KIAA1328: variants seen among roughly 807,000 people sequenced by gnomAD.
KIAA1328 encodes the protein KIAA1328, also known as protein hinderin.
Under a neutral mutation model 68.1 loss-of-function variants are expected in KIAA1328, and 52 were observed. That is an observed-to-expected ratio of 0.76 (90% CI 0.61 to 0.96). The LOEUF (loss-of-function observed/expected upper bound fraction) is 0.96, where lower values mean the gene tolerates loss of function less well. Among genes scored for constraint, KIAA1328 ranks in the 40% least tolerant of loss-of-function variants. The probability of loss-of-function intolerance (pLI) is 0.00; values close to 1 mark genes in which losing one functional copy is unlikely to be tolerated. For missense variants in KIAA1328, 641 were observed against 677.6 expected (o/e 0.95, Z 0.60); for synonymous variants, 232 against 239.4 (o/e 0.97, Z 0.28).
intron 3 of KIAA1328, among the ~76,000 whole-genome samples, chr18:36,838,310 A>G (rs1629470): frequency 0.1 from 15,889 of 152,142 alleles, 2,801 homozygotes; most frequent in African/African-American, 0.36. Flanking sequence ...GATGCATTTT[A>G]TTTTAATTGC....
At chr18:36,997,363 G>A (rs1225577218) in intron 6 of KIAA1328, among the ~76,000 whole-genome samples, 1 of 152,094 alleles carries the variant, frequency 6.6e-6, no homozygotes, top group African/African-American at 2.4e-5. Flanking sequence ...TAGCTTCTAT[G>A]ATTTTCGTAA....
Position 37,122,153 on chromosome 18 carries a change from A to C in KIAA1328, c.1233-38047A>C, listed in dbSNP as rs190103792. 1.1e-4 allele frequency among the ~76,000 whole-genome samples: 16 copies of C among 152,310 alleles called. No homozygotes were observed. The East Asian group carries it at 3.1e-3, about 29-fold the overall frequency. On this transcript the variant is annotated intron_variant, in intron 7 of 9. Transcript: ENST00000280020. ...TGCAATGGAGACTAATACAAGCAGT[A>C]AGAAAGACTGGTAGAAAACCAAGAG...
At chr18:36,979,722 T>G (rs2052608476) in intron 6 of KIAA1328, among the ~76,000 whole-genome samples, 1 of 152,182 alleles carries the variant, frequency 6.6e-6, no homozygotes, top group Non-Finnish European at 1.5e-5. Flanking sequence ...CTCAGCCCAC[T>G]GCATCTTCAG....
intron 5 of KIAA1328, among the ~76,000 whole-genome samples, chr18:36,899,443 C>T (rs1482155574): frequency 2.6e-5 from 4 of 151,746 alleles, no homozygotes; most frequent in African/African-American, 4.8e-5. Flanking sequence ...AAAACTTGCC[C>T]GTTAGTGCTG....
chr18:37,019,393 A>G (rs1266862949), intron 6 of KIAA1328, among the ~76,000 whole-genome samples: 1 of 152,214 alleles, frequency 6.6e-6, no homozygotes, highest in Admixed American at 6.5e-5. Context: ...GCCTTAGGCA[A>G]TGAGCTGGTT....
rs910758470 is a variant in KIAA1328, at chr18:37,223,833, T to C, written c.*1606T>C. 1.2e-5 allele frequency: 12 copies of C among 985,102 alleles called. No individual in the cohort carries two copies. The highest frequency in any genetic ancestry group is 1.3e-5 in the Non-Finnish European group (11 of 829,728). The allele number at this position is 985,102 out of a possible 1,614,324, so 61.0% of individuals were successfully genotyped here. On this transcript the variant is annotated 3_prime_UTR_variant, in exon 10 of 10. Transcript: ENST00000280020. ...CAGCCTTCTTTCACTTGGGGTTTTT[T>C]ATTCTTTGGAGTAGAAAAGAATGGA... is the stretch of plus-strand genomic sequence containing the variant.
intron 6 of KIAA1328, among the ~76,000 whole-genome samples, chr18:37,062,730 C>T (rs949462865): frequency 1.3e-5 from 2 of 152,156 alleles, no homozygotes; most frequent in East Asian, 1.9e-4. Flanking sequence ...GCTGGGATTA[C>T]AGGCGTGAGC....
At chr18:36,939,160 A>G (rs2050615036) in intron 5 of KIAA1328, among the ~76,000 whole-genome samples, 1 of 152,232 alleles carries the variant, frequency 6.6e-6, no homozygotes, top group Middle Eastern at 3.4e-3. Context: ...TAAAAATGGC[A>G]CTGAATGTGT....
chr18:37,065,542 T>C (rs1176149047), intron 6 of KIAA1328, among the ~76,000 whole-genome samples: 1 of 152,212 alleles, frequency 6.6e-6, no homozygotes, highest in African/African-American at 2.4e-5. Context: ...AGTTAAGTAA[T>C]TGGACTTGGA....
chr18:36,908,007 T>G (rs1311494064), intron 5 of KIAA1328, among the ~76,000 whole-genome samples: 1 of 152,152 alleles, frequency 6.6e-6, no homozygotes, highest in East Asian at 1.9e-4. Flanking sequence ...GCTTTGGTAG[T>G]TTGTCTTTCA....
intron 5 of KIAA1328, among the ~76,000 whole-genome samples, chr18:36,889,571 T>C (rs1468091851): frequency 6.6e-6 from 1 of 152,210 alleles, no homozygotes; most frequent in Non-Finnish European, 1.5e-5. Context: ...ATTTTAGCAC[T>C]GAGTAGCTAT....
intron 6 of KIAA1328, among the ~76,000 whole-genome samples, chr18:37,007,581 C>A (rs1005913588): frequency 1.3e-5 from 2 of 152,070 alleles, no homozygotes; most frequent in Non-Finnish European, 2.9e-5. Context: ...GTCATAACTT[C>A]TGGAAAATTC....
chr18:37,220,412 C>G (rs1334649017), intron 9 of KIAA1328, among the ~76,000 whole-genome samples: 1 of 152,158 alleles, frequency 6.6e-6, no homozygotes, highest in Admixed American at 6.6e-5. Flanking sequence ...TTAGAAATTG[C>G]ATATGAGAAT....
At chr18:37,077,151 T>G (rs1305646494) in intron 7 of KIAA1328, among the ~76,000 whole-genome samples, 1 of 149,614 alleles carries the variant, frequency 6.7e-6, no homozygotes, top group Non-Finnish European at 1.5e-5. Flanking sequence ...CAAGTGGGCT[T>G]CATCCCTGGG....
At chr18:37,166,224 G>A (rs1164080950) in intron 8 of KIAA1328, among the ~76,000 whole-genome samples, 2 of 152,056 alleles carry the variant, frequency 1.3e-5, no homozygotes, top group African/African-American at 2.4e-5. Context: ...AACTCTGGAG[G>A]ATAGTGAAAG....
intron 7 of KIAA1328, chr18:37,075,204 A>C (rs1417652970): frequency 1.3e-5 from 2 of 151,892 alleles, no homozygotes; most frequent in African/African-American, 4.8e-5. Context: ...AAGAATTTTC[A>C]ACCCAGAATT....
intron 5 of KIAA1328, among the ~76,000 whole-genome samples, chr18:36,953,288 A>G (rs2151238634): frequency 6.8e-6 from 1 of 147,234 alleles, no homozygotes; most frequent in South Asian, 2.1e-4. Flanking sequence ...AAATAAATAT[A>G]TTTATATTTA....
At chr18:36,969,814 T>C (rs1250699779) in intron 6 of KIAA1328, among the ~76,000 whole-genome samples, 2 of 152,002 alleles carry the variant, frequency 1.3e-5, no homozygotes, top group African/African-American at 4.8e-5. Flanking sequence ...TACCAAAACC[T>C]GGCAGAGACA....
At chr18:37,208,067 C>G (rs891845629) in intron 9 of KIAA1328, among the ~76,000 whole-genome samples, 1 of 152,122 alleles carries the variant, frequency 6.6e-6, no homozygotes, top group Non-Finnish European at 1.5e-5. Flanking sequence ...CCTCAGCCTC[C>G]CAAAGTGCTA....
Sources: gnomAD v4.1 joint callset for allele counts (sites outside exome capture counted in the v4.1 genomes callset) on GRCh38, gnomAD v4.1.1 for gene constraint, MANE v1.5 for transcripts, NCBI Gene and HGNC (gene_info 2026-07-23, HGNC 2026-07-21) for gene names.